Variants in CDHR3 observed in about 807,000 individuals in gnomAD.
The protein encoded by CDHR3 is cadherin-related family member 3.
CDHR3 carries 79 observed loss-of-function variants against 86.6 expected under a neutral mutation model. The observed-to-expected ratio is 0.91, with a 90% confidence interval of 0.76 to 1.10. The LOEUF (loss-of-function observed/expected upper bound fraction) is 1.10, where lower values mean the gene tolerates loss of function less well. CDHR3 is among the 50% of genes least tolerant of loss of function. The pLI is 0.00. For synonymous variants in CDHR3, 421 were observed against 402.4 expected, an observed-to-expected ratio of 1.05 and a Z score of -0.55; for missense variants, 1,081 against 1,077.6, an observed-to-expected ratio of 1.00 and a Z score of -0.04.
At chr7:105,997,077 G>A (rs554543184) in intron 6 of CDHR3, among the ~76,000 whole-genome samples, 74 of 152,262 alleles carry the variant, frequency 4.9e-4, no homozygotes, top group African/African-American at 1.7e-3. Flanking sequence ...TCCCTGAGAT[G>A]GGCATAGAAG....
chr7:106,028,604 C>T (rs1837737713), intron 17 of CDHR3, 22 bp downstream of exon 17: 3 of 1,613,466 alleles, frequency 1.9e-6, no homozygotes, highest in South Asian at 1.1e-5. Context: ...CAGTGTGGGG[C>T]ACCAGGCATA....
chr7:106,010,800 G>A (rs954783413), intron 8 of CDHR3, among the ~76,000 whole-genome samples: 2 of 152,228 alleles, frequency 1.3e-5, no homozygotes, highest in Non-Finnish European at 2.9e-5. Flanking sequence ...GATGGACAAG[G>A]CTGGGCAAGT....
At chr7:106,013,832 T>C (rs549005533) in intron 9 of CDHR3, among the ~76,000 whole-genome samples, 1 of 152,376 alleles carries the variant, frequency 6.6e-6, no homozygotes, top group East Asian at 1.9e-4. Context: ...GTAGAAAATA[T>C]AGAAAGCACA....
intron 18 of CDHR3, 117 bp from the exon 19 acceptor site, chr7:106,032,276 C>T (rs1332876183): frequency 2.0e-6 from 2 of 982,124 alleles, no homozygotes; most frequent in Non-Finnish European, 3.0e-6. Flanking sequence ...GTGATTCACA[C>T]CTTCTAGTGT....
chr7:106,026,543 G>C (rs990732092), intron 15 of CDHR3, 139 bp from the exon 16 acceptor site: 13 of 796,322 alleles, frequency 1.6e-5, no homozygotes, highest in African/African-American at 1.2e-4. Flanking sequence ...TTTCTTTCTG[G>C]CCCCTATCCC....
In CDHR3 at chr7:106,020,502, C is replaced by T. The variant is rs1041127623; in HGVS notation, c.1783C>T (p.Leu595Phe). ...GAATTTCAAGCTGACATGTACCGAC[C>T]TTGATTCCAGCCCCAGATCTTTCCG... Reference protein sequence around the residue: ...IQNFKLTCTDLDSSPRSFRYS... With the variant: ...IQNFKLTCTDFDSSPRSFRYS... Residue 595 changes from leucine to phenylalanine, a missense_variant, in exon 13 of 19, where the codon CTT becomes TTT. Transcript: ENST00000317716. 12 of 1,613,894 alleles carry T rather than the reference C, an allele frequency of 7.4e-6. No individual in the cohort carries two copies. The highest frequency in any genetic ancestry group is 1.0e-5 in the Non-Finnish European group (12 of 1,179,894).
chr7:105,967,829 T>G (rs374496767), intron 1 of CDHR3, among the ~76,000 whole-genome samples: 18 of 152,298 alleles, frequency 1.2e-4, no homozygotes, highest in South Asian at 2.1e-4. Context: ...AAATTTGTTT[T>G]AGTTCTTTGT....
chr7:106,021,488 C>G (rs1725521764), intron 13 of CDHR3, among the ~76,000 whole-genome samples: 1 of 152,206 alleles, frequency 6.6e-6, no homozygotes, highest in African/African-American at 2.4e-5. Flanking sequence ...ATCTCCTGCT[C>G]CATTTACTGG....
At chr7:105,984,849 A>C (rs1300474811) in intron 4 of CDHR3, among the ~76,000 whole-genome samples, 1 of 152,144 alleles carries the variant, frequency 6.6e-6, no homozygotes, top group Non-Finnish European at 1.5e-5. Context: ...GCTTGAACCC[A>C]GGAGTTTGAG....
rs369577657 is a variant in CDHR3, at chr7:106,004,532, C to A, written c.897C>A (p.Asp299Glu). The A allele has an allele frequency of 4.3e-6, 7 of 1,613,858 alleles. No individual in the cohort carries two copies. Among genetic ancestry groups the A allele is most frequent in the African/African-American group, 1.3e-5 (1 of 74,928 alleles). ...TGTIQVAQRI[D>E]RDAGELRQNP... ...CAATCCAAGTGGCCCAAAGGATAGACCGAGATGCAGGTGAATTGAGACAAA... is the reference window on the plus strand; with the variant it reads ...CAATCCAAGTGGCCCAAAGGATAGAACGAGATGCAGGTGAATTGAGACAAA... The change falls in exon 8 of 19, where the codon GAC becomes GAA. Residue 299 changes from aspartate (D) to glutamate (E), a missense_variant. Asp to Glu is a conservative substitution (Grantham distance 45). Coordinates refer to ENST00000317716, the MANE Select transcript of CDHR3 (RefSeq NM_152750.5).
At chr7:106,007,408 CT>C (rs1226351700) in intron 8 of CDHR3, among the ~76,000 whole-genome samples, 1 of 152,230 alleles carries the variant, frequency 6.6e-6, no homozygotes, top group Non-Finnish European at 1.5e-5. Flanking sequence ...AATTTCCAAA[CT>C]TTTAAGCTCT....
At chr7:105,995,634 G>T (rs753890737) in intron 5 of CDHR3, among the ~76,000 whole-genome samples, 2 of 152,172 alleles carry the variant, frequency 1.3e-5, no homozygotes, top group Non-Finnish European at 2.9e-5. Flanking sequence ...CCCTTATCTG[G>T]TTGAGTGTTG....
At chr7:105,984,760 T>TGCTTA (rs1426924949) in intron 4 of CDHR3, among the ~76,000 whole-genome samples, 1 of 152,134 alleles carries the variant, frequency 6.6e-6, no homozygotes, top group Non-Finnish European at 1.5e-5. Flanking sequence ...GAAGCCAAGC[T>TGCTTA]GCTTAGAGCC....
At chr7:105,999,121 G>A (rs73718738) in intron 6 of CDHR3, among the ~76,000 whole-genome samples, 18,679 of 152,306 alleles carry the variant, frequency 0.12, 1,223 homozygotes, top group Non-Finnish European at 0.14. Flanking sequence ...GAATACAAGT[G>A]GTAGCAGAGC....
At chr7:105,992,112 C>T (rs544244669) in intron 4 of CDHR3, among the ~76,000 whole-genome samples, 19 of 152,288 alleles carry the variant, frequency 1.2e-4, no homozygotes, top group Non-Finnish European at 2.5e-4. Context: ...CTCCCCAAAC[C>T]TTTGTTCCCT....
At chr7:106,006,727 C>A (rs564419470) in intron 8 of CDHR3, among the ~76,000 whole-genome samples, 1 of 152,212 alleles carries the variant, frequency 6.6e-6, no homozygotes, top group African/African-American at 2.4e-5. Context: ...TGGATGCTTT[C>A]ATGGGCTGGC....
At chr7:105,984,930 G>A (rs1002367183) in intron 4 of CDHR3, among the ~76,000 whole-genome samples, 11 of 151,980 alleles carry the variant, frequency 7.2e-5, no homozygotes, top group East Asian at 1.9e-4. Flanking sequence ...ATGATGGTGC[G>A]TGCTTGTAAT....
intron 15 of CDHR3, among the ~76,000 whole-genome samples, chr7:106,026,307 G>A (rs1837334216): frequency 6.6e-6 from 1 of 152,186 alleles, no homozygotes; most frequent in Non-Finnish European, 1.5e-5. Context: ...TGTGAGCCAA[G>A]CCTTCTGCTC....
chr7:106,030,663 C>A lies in CDHR3; in HGVS notation c.2305-129C>A. On this transcript the variant is annotated intron_variant, in intron 17 of 18. Transcript: ENST00000317716. This position sits in a 1 kb window ranked among gnomAD's most constrained non-coding sequence, Gnocchi z 4.8. The stretch of plus-strand genomic sequence containing the variant: ...ATCACTGTGTCCCCTGCATCTATCA[C>A]AGTGCCTAATTAAAGACTTAGAAGT... 1 of 767,818 alleles carries A rather than the reference C, an allele frequency of 1.3e-6. No homozygotes were observed. The highest frequency in any genetic ancestry group is 2.2e-6 in the Non-Finnish European group (1 of 450,444). The allele number at this position is 767,818 out of a possible 1,614,324, so 47.6% of individuals were successfully genotyped here.
Sources: gnomAD v4.1 joint callset for allele counts (sites outside exome capture counted in the v4.1 genomes callset) on GRCh38, gnomAD v4.1.1 for gene constraint, Gnocchi (gnomAD v3.1) non-coding constraint, MANE v1.5 for transcripts, NCBI Gene and HGNC (gene_info 2026-07-23, HGNC 2026-07-21) for gene names.